The following SLX4IP variants were observed in gnomAD, a reference collection of about 807,000 sequenced individuals.
SLX4IP encodes the protein protein SLX4IP.
A neutral mutation model predicts 32.9 loss-of-function variants in SLX4IP; 34 were observed. That is an observed-to-expected ratio of 1.03 (90% CI 0.79 to 1.38). SLX4IP has a LOEUF of 1.38. Among genes scored for constraint, SLX4IP ranks in the 40% most tolerant of loss-of-function variants. The pLI is 0.00. For synonymous variants in SLX4IP, 172 were observed against 171.7 expected (o/e 1.00, Z -0.01); for missense variants, 444 against 479.0 (o/e 0.93, Z 0.68).
chr20:10,447,988 A>C (rs2065214843), intron 1 of SLX4IP, among the ~76,000 whole-genome samples: 1 of 151,662 alleles, frequency 6.6e-6, no homozygotes, highest in African/African-American at 2.4e-5. Flanking sequence ...TACAGGTGTG[A>C]GCCACTGAAC....
At chr20:10,438,004 G>T (rs2065128875) in intron 1 of SLX4IP, among the ~76,000 whole-genome samples, 1 of 152,144 alleles carries the variant, frequency 6.6e-6, no homozygotes, top group South Asian at 2.1e-4. Flanking sequence ...CAAGAAAAAT[G>T]CTTGTCATAG....
intron 6 of SLX4IP, among the ~76,000 whole-genome samples, chr20:10,619,722 G>A (rs543537191): frequency 6.6e-6 from 1 of 152,234 alleles, no homozygotes; most frequent in South Asian, 2.1e-4. Context: ...GGCTGTGAGG[G>A]GAGAATCTAC....
At chr20:10,537,682 A>G (rs1568729651) in intron 2 of SLX4IP, among the ~76,000 whole-genome samples, 1 of 152,198 alleles carries the variant, frequency 6.6e-6, no homozygotes, top group Non-Finnish European at 1.5e-5. Flanking sequence ...TACATCTAAT[A>G]TCATGATCTC....
chr20:10,486,183 A>ATT (rs1568704039), intron 2 of SLX4IP, among the ~76,000 whole-genome samples: 2 of 48,486 alleles, frequency 4.1e-5, no homozygotes, highest in Admixed American at 3.6e-4. Flanking sequence ...TCCTTGCTTA[A>ATT]ATTTTTTTTT....
At chr20:10,544,440 C>G (rs1196046105) in intron 2 of SLX4IP, among the ~76,000 whole-genome samples, 2 of 152,196 alleles carry the variant, frequency 1.3e-5, no homozygotes, top group African/African-American at 4.8e-5. Context: ...GGCTGGAGTG[C>G]AGTGGCACAA....
intron 2 of SLX4IP, among the ~76,000 whole-genome samples, chr20:10,477,509 C>A (rs538367069): frequency 1.3e-4 from 20 of 152,218 alleles, no homozygotes; most frequent in African/African-American, 4.6e-4. Context: ...TCAGGTGATC[C>A]GCTTGCCTCT....
chr20:10,562,578 A>G (rs1881569909), intron 4 of SLX4IP, among the ~76,000 whole-genome samples: 1 of 152,036 alleles, frequency 6.6e-6, no homozygotes, highest in Non-Finnish European at 1.5e-5. Context: ...TTCTTGGAAA[A>G]TACAACATTT....
chr20:10,581,187 G>T (rs750128976), intron 4 of SLX4IP, among the ~76,000 whole-genome samples: 8 of 152,076 alleles, frequency 5.3e-5, no homozygotes, highest in Non-Finnish European at 8.8e-5. Context: ...TGGTGGTAGA[G>T]AGCAGCAGCA....
At chr20:10,511,118 A>T (rs1230918797) in intron 2 of SLX4IP, among the ~76,000 whole-genome samples, 2 of 152,104 alleles carry the variant, frequency 1.3e-5, no homozygotes, top group African/African-American at 4.8e-5. Flanking sequence ...TTGTGTCCTT[A>T]TTCTGTTCTG....
At chr20:10,572,078 A>C (rs117297930) in intron 4 of SLX4IP, among the ~76,000 whole-genome samples, 391 of 152,034 alleles carry the variant, frequency 2.6e-3, no homozygotes, top group Non-Finnish European at 4.2e-3. Context: ...TAGATCTTCC[A>C]CCTACCCATG....
chr20:10,483,722 A>G (rs2065546250), intron 2 of SLX4IP, among the ~76,000 whole-genome samples: 2 of 152,302 alleles, frequency 1.3e-5, no homozygotes, highest in South Asian at 4.1e-4. Flanking sequence ...GATGGAGTTC[A>G]GGCCATGCGA....
chr20:10,619,064 G>A (rs955743065), intron 6 of SLX4IP, among the ~76,000 whole-genome samples: 3 of 152,166 alleles, frequency 2.0e-5, no homozygotes, highest in Admixed American at 1.3e-4. Context: ...GGGCTGAAGA[G>A]GGAGTCTAAT....
At chr20:10,451,836 C>T (rs374880512) in intron 1 of SLX4IP, among the ~76,000 whole-genome samples, 86 of 152,074 alleles carry the variant, frequency 5.7e-4, no homozygotes, top group African/African-American at 1.9e-3. Flanking sequence ...GGCATAGTGA[C>T]GGGCGCCTGT....
chr20:10,594,330 A>T (rs983232380), intron 4 of SLX4IP, among the ~76,000 whole-genome samples: 2 of 152,294 alleles, frequency 1.3e-5, no homozygotes, highest in Middle Eastern at 3.4e-3. Context: ...GAAGAGAGCC[A>T]CACAGGTGGT....
chr20:10,509,805 C>T (rs1280332161), intron 2 of SLX4IP, among the ~76,000 whole-genome samples: 1 of 152,032 alleles, frequency 6.6e-6, no homozygotes, highest in Admixed American at 6.5e-5. Flanking sequence ...TCCTCCCCTT[C>T]GGCTTTCCCA....
intron 4 of SLX4IP, among the ~76,000 whole-genome samples, chr20:10,574,962 C>T (rs146861330): frequency 1.4e-3 from 220 of 152,156 alleles, no homozygotes; most frequent in African/African-American, 5.1e-3. Context: ...CGTGAGCCAC[C>T]GTGCCTGACC....
intron 1 of SLX4IP, among the ~76,000 whole-genome samples, chr20:10,453,362 C>T (rs548798600): frequency 6.5e-5 from 9 of 137,724 alleles, no homozygotes; most frequent in African/African-American, 2.2e-4. Context: ...CTCTCCCCTG[C>T]GGCCTGCTCT....
intron 2 of SLX4IP, among the ~76,000 whole-genome samples, chr20:10,515,273 C>T (rs889291644): frequency 7.9e-5 from 12 of 151,722 alleles, no homozygotes; most frequent in Non-Finnish European, 1.2e-4. Context: ...TTAGTAGCGA[C>T]GGGGTTTCAC....
chr20:10,558,082 G>A (rs997293509), intron 3 of SLX4IP, among the ~76,000 whole-genome samples: 2 of 152,202 alleles, frequency 1.3e-5, no homozygotes, highest in African/African-American at 4.8e-5. Flanking sequence ...ACACACACCT[G>A]TAATCCCAGC....
Sources: allele counts gnomAD v4.1 joint callset (sites outside exome capture counted in the v4.1 genomes callset), GRCh38; gene constraint gnomAD v4.1.1; transcripts MANE v1.5; gene names NCBI Gene and HGNC (gene_info 2026-07-23, HGNC 2026-07-21).